Variants in SEC22A observed in about 807,000 individuals in gnomAD.
The protein encoded by SEC22A is SEC22 homolog A, vesicle trafficking protein.
In SEC22A, 22 loss-of-function variants were observed where a neutral mutation model predicts 35.3. That is an observed-to-expected ratio of 0.62 (90% CI 0.45 to 0.89). The LOEUF is 0.89. SEC22A is among the 40% of genes least tolerant of loss of function. The pLI is 0.00. For synonymous variants in SEC22A, 119 were observed against 129.5 expected (o/e 0.92, Z 0.55); for missense variants, 354 against 362.5 (o/e 0.98, Z 0.19).
rs1254571859 is a variant in SEC22A, at chr3:123,256,820, C to T, written c.658-2704C>T. On this transcript the variant is annotated intron_variant, in intron 5 of 6. Coordinates refer to ENST00000492595, the MANE Select transcript of SEC22A (RefSeq NM_012430.5). Reference sequence around the variant, plus strand: ...TGTCACCCAGGCTGGAGTGCAGTGGCGCAGTCTCGGCTCACTGCAAGCTCC... The same window carrying T: ...TGTCACCCAGGCTGGAGTGCAGTGGTGCAGTCTCGGCTCACTGCAAGCTCC... 8.7e-5 allele frequency among the ~76,000 whole-genome samples: 12 copies of T among 137,384 alleles called. No homozygotes were observed. In the East Asian group the frequency reaches 1.3e-3, roughly 15 times the overall value. 90.1% of individuals were successfully genotyped at this position (137,384 alleles called of 152,430 possible).
chr3:123,261,878 C>T (rs1049340249), intron 6 of SEC22A, among the ~76,000 whole-genome samples: 5 of 152,186 alleles, frequency 3.3e-5, no homozygotes, highest in Admixed American at 3.3e-4. Flanking sequence ...TTACACTTCC[C>T]AGAACAGCCT....
chr3:123,209,447 AT>A, intron 2 of SEC22A, 48 bp downstream of exon 2: 1 of 1,492,836 alleles, frequency 6.7e-7, no homozygotes, highest in African/African-American at 1.4e-5. Context: ...AGTAGTTGTC[AT>A]TTTAATGAAG....
At chr3:123,223,792 T>C (rs2108047594) in intron 3 of SEC22A, 70 bp downstream of exon 3, 1 of 1,147,942 alleles carries the variant, frequency 8.7e-7, no homozygotes, top group Non-Finnish European at 1.2e-6. Flanking sequence ...AAATCTAATA[T>C]TGGGTGGAGG....
At chr3:123,244,801 T>C (rs1937553759) in intron 4 of SEC22A, among the ~76,000 whole-genome samples, 2 of 152,168 alleles carry the variant, frequency 1.3e-5, no homozygotes, top group Non-Finnish European at 1.5e-5. Context: ...TAAAATACTC[T>C]AAATGTGGTT....
intron 5 of SEC22A, among the ~76,000 whole-genome samples, chr3:123,257,435 G>A (rs377656265): frequency 1.6e-4 from 24 of 152,256 alleles, no homozygotes; most frequent in Middle Eastern, 3.4e-3. Flanking sequence ...GGTGGCTCAC[G>A]CCTGTAATCC....
intron 6 of SEC22A, among the ~76,000 whole-genome samples, chr3:123,266,765 G>GGGGA (rs1553713477): frequency 6.6e-6 from 1 of 151,752 alleles, no homozygotes; most frequent in Non-Finnish European, 1.5e-5. Flanking sequence ...GCTGTTATTG[G>GGGGA]GTGTGTTCTG....
chr3:123,262,794 C>T lies in SEC22A; in HGVS notation c.723+3205C>T, dbSNP rs80140164. ...GACCCTATCGTAAGCCAAGGAGCTT[C>T]TGTAGTTGTTTTTAAAGTAAGTTTT... On this transcript the variant is annotated intron_variant, in intron 6 of 6. Transcript: ENST00000492595. 3.2e-3 allele frequency among the ~76,000 whole-genome samples: 489 copies of T among 152,234 alleles called. 2 individuals are homozygous for T. The highest frequency in any genetic ancestry group is 0.011 in the African/African-American group (440 of 41,548).
intron 5 of SEC22A, among the ~76,000 whole-genome samples, chr3:123,248,085 A>G (rs965189036): frequency 2.0e-5 from 3 of 152,228 alleles, no homozygotes; most frequent in African/African-American, 7.2e-5. Flanking sequence ...ATCTATTGAA[A>G]GAACGTACAG....
At chr3:123,269,795 A>G (rs1313257406) in intron 6 of SEC22A, among the ~76,000 whole-genome samples, 1 of 151,344 alleles carries the variant, frequency 6.6e-6, no homozygotes, top group East Asian at 1.9e-4. Flanking sequence ...ACCACACCCG[A>G]CTAATTTTTT....
chr3:123,209,376 G>T lies in SEC22A; in HGVS notation c.159G>T (p.Leu53=). ...CTCAACTTCCTGATAGATGTACACT[G>T]AAAACTGGACATTATAACATTAAGT... The part of the protein sequence containing the change: ...KLAQLPDRCT[L]KTGHYNINFI... Residue 53 remains leucine, a synonymous_variant, in exon 2 of 7, where the codon CTG becomes CTT. Coordinates refer to ENST00000492595, the MANE Select transcript of SEC22A (RefSeq NM_012430.5). 2 of 1,613,274 alleles carry T rather than the reference G, an allele frequency of 1.2e-6. No homozygotes were observed. The highest frequency in any genetic ancestry group is 1.7e-6 in the Non-Finnish European group (2 of 1,179,396).
chr3:123,263,663 G>A (rs534238309), intron 6 of SEC22A, among the ~76,000 whole-genome samples: 10 of 151,970 alleles, frequency 6.6e-5, no homozygotes, highest in South Asian at 4.1e-4. Flanking sequence ...TTACAGGTGC[G>A]CCACCATGCC....
intron 2 of SEC22A, among the ~76,000 whole-genome samples, chr3:123,222,945 C>G (rs1280988684): frequency 6.6e-6 from 1 of 152,234 alleles, no homozygotes; most frequent in African/African-American, 2.4e-5. Context: ...AGCACTTCCT[C>G]TACGTTTACC....
At chr3:123,269,718 C>T (rs1047074016) in intron 6 of SEC22A, among the ~76,000 whole-genome samples, 6 of 148,312 alleles carry the variant, frequency 4.0e-5, no homozygotes, top group South Asian at 2.2e-4. Flanking sequence ...CTGCAACCTC[C>T]GCCTCCCAGG....
In SEC22A at chr3:123,271,944, C is replaced by G. The variant is rs574420050; in HGVS notation, c.*222C>G. The stretch of plus-strand genomic sequence containing the variant: ...TATCATTCAGAGGAGGAGGGGATTT[C>G]TCTCTTCAAGGCCGTAACAGTGGAA... On this transcript the variant is annotated 3_prime_UTR_variant, in exon 7 of 7. Coordinates refer to ENST00000492595, the MANE Select transcript of SEC22A (RefSeq NM_012430.5). The G allele has an allele frequency of 5.3e-6, 3 of 566,894 alleles. No homozygotes were observed. In the South Asian group the frequency reaches 6.4e-5, roughly 12 times the overall value. The allele number at this position is 566,894 out of a possible 1,614,324, so 35.1% of individuals were successfully genotyped here. A position where few individuals can be genotyped will look rare whatever the true frequency, so the allele number is the denominator to read the frequency against.
At chr3:123,270,344 A>G (rs1040987393) in intron 6 of SEC22A, among the ~76,000 whole-genome samples, 2 of 152,204 alleles carry the variant, frequency 1.3e-5, no homozygotes, top group African/African-American at 4.8e-5. Flanking sequence ...AAACAGTCCA[A>G]ATTTGCATAA....
In SEC22A at chr3:123,235,020, C is replaced by CAA. The variant is rs535445052; in HGVS notation, c.541+9739_541+9740dup. ...CCTGGGCAACAGCCAGACCTTGTCT[C>CAA]AAAAAAAAAAAAAAAAATAGATAAG... is the stretch of plus-strand genomic sequence containing the variant. On this transcript the variant is annotated intron_variant, in intron 4 of 6. Transcript: ENST00000492595. Among the ~76,000 whole-genome samples, 127 of 121,648 alleles carry CAA rather than the reference C, an allele frequency of 1.0e-3. 1 individual carries two copies. The highest frequency in any genetic ancestry group is 4.8e-3 in the East Asian group (19 of 3,962). 79.8% of individuals were successfully genotyped at this position (121,648 alleles called of 152,430 possible). A position where few individuals can be genotyped will look rare whatever the true frequency, so the allele number is the denominator to read the frequency against.
intron 5 of SEC22A, among the ~76,000 whole-genome samples, chr3:123,253,960 A>G (rs1365209648): frequency 1.3e-5 from 2 of 151,928 alleles, no homozygotes; most frequent in Non-Finnish European, 2.9e-5. Flanking sequence ...GAAAATAAAA[A>G]AGTTATAAAT....
chr3:123,256,758 C>CTTCTTT (rs1553712645), intron 5 of SEC22A, among the ~76,000 whole-genome samples: 5 of 83,536 alleles, frequency 6.0e-5, no homozygotes, highest in Non-Finnish European at 6.9e-5. Context: ...TTTTTCTTTC[C>CTTCTTT]TTTTTTTTTT....
intron 5 of SEC22A, among the ~76,000 whole-genome samples, chr3:123,256,764 T>C: frequency 6.8e-6 from 1 of 147,572 alleles, no homozygotes. Flanking sequence ...TTTCCTTTTT[T>C]TTTTTTTTTT....
Sources: gnomAD v4.1 joint callset for allele counts (sites outside exome capture counted in the v4.1 genomes callset) on GRCh38, gnomAD v4.1.1 for gene constraint, MANE v1.5 for transcripts, NCBI Gene and HGNC (gene_info 2026-07-23, HGNC 2026-07-21) for gene names.